Variants in MND1 observed in about 807,000 individuals in gnomAD.
MND1 encodes meiotic nuclear divisions 1.
MND1 carries 28 observed loss-of-function variants against 35.1 expected under a neutral mutation model. The ratio of observed to expected loss-of-function variants is 0.80; its 90% CI spans 0.59 to 1.09. The LOEUF (loss-of-function observed/expected upper bound fraction) is 1.09. MND1 is among the 50% of genes least tolerant of loss of function. The pLI is 0.00. For missense variants in MND1, 213 were observed against 239.6 expected (o/e 0.89, Z 0.73); for synonymous variants, 69 against 70.5 (o/e 0.98, Z 0.11).
rs1773399595 is a variant in MND1, at chr4:153,358,473, G to GC, written c.128dup (p.Ala44CysfsTer13). The GC allele has an allele frequency of 1.3e-6, 2 of 1,584,522 alleles. No homozygotes were observed. Among genetic ancestry groups the GC allele is most frequent in the Non-Finnish European group, 1.7e-6 (2 of 1,166,952 alleles). On this transcript the variant is annotated frameshift_variant and splice_region_variant. Coordinates refer to ENST00000240488, the MANE Select transcript of MND1 (RefSeq NM_032117.4). LOFTEE classifies it high-confidence loss of function. ...TAGAGTCTTTAAAAATTGTCTCTTA[G>GC]CTGCTATGTCAGTAAAAGAAGTCCT...
At position 153,358,518 on chromosome 4, in the gene MND1, G is replaced by A; in HGVS notation, c.172G>A (p.Gly58Ser). 1.2e-6 allele frequency: 2 copies of A among 1,612,442 alleles called. No homozygotes were observed. Among genetic ancestry groups the A allele is most frequent in the Non-Finnish European group, 1.7e-6 (2 of 1,179,234 alleles). ...AGTCCTTCAAAGCTTAGTTGATGAT[G>A]GTATGGTTGACTGTGAGAGGATCGG... ...KEVLQSLVDD[G>S]MVDCERIGTS... Residue 58 changes from glycine (G) to serine (S), a missense_variant, in exon 4 of 8, where the codon GGT (glycine) becomes AGT (serine). Transcript: ENST00000240488.
At chr4:153,404,125 A>G (rs958168675) in intron 6 of MND1, among the ~76,000 whole-genome samples, 2 of 151,284 alleles carry the variant, frequency 1.3e-5, no homozygotes, top group Non-Finnish European at 2.9e-5. Context: ...CACTTTAAAT[A>G]TATTCAAAGA....
At chr4:153,349,380 G>A (rs1287413033) in intron 1 of MND1, among the ~76,000 whole-genome samples, 1 of 151,836 alleles carries the variant, frequency 6.6e-6, no homozygotes, top group Non-Finnish European at 1.5e-5. Context: ...CTCTAATCTT[G>A]TCACTAGTCT....
rs753797700 is a variant in MND1, at chr4:153,397,210, G to T, written c.352-9G>T. The T allele has an allele frequency of 6.2e-7, 1 of 1,601,760 alleles. No individual in the cohort carries two copies. The highest frequency in any genetic ancestry group is 1.3e-5 in the African/African-American group (1 of 74,600). On this transcript the variant is annotated splice_polypyrimidine_tract_variant and intron_variant, in intron 5 of 7. Transcript: ENST00000240488. ...GTCTTAATTGAACATAAAACTATCTGGAATGCAGGAAGAGCGAACCAGGCT... is the reference window on the plus strand; with the variant it reads ...GTCTTAATTGAACATAAAACTATCTTGAATGCAGGAAGAGCGAACCAGGCT...
chr4:153,372,262 C>T (rs1773809370), intron 4 of MND1, among the ~76,000 whole-genome samples: 2 of 151,954 alleles, frequency 1.3e-5, no homozygotes, highest in South Asian at 2.1e-4. Flanking sequence ...AAGGTAGCCA[C>T]AAACTTAATT....
chr4:153,396,576 A>G (rs780783289), intron 5 of MND1, among the ~76,000 whole-genome samples: 2 of 152,166 alleles, frequency 1.3e-5, no homozygotes, highest in Non-Finnish European at 2.9e-5. Flanking sequence ...AGAAATACAA[A>G]TTGAATATGT....
At chr4:153,413,876 TTTTA>T (rs1390186310) in intron 7 of MND1, among the ~76,000 whole-genome samples, 2 of 152,322 alleles carry the variant, frequency 1.3e-5, no homozygotes, top group East Asian at 3.9e-4. Context: ...ACACAGTTTG[TTTTA>T]TTTCCTTGGG....
At chr4:153,347,412 T>C (rs74875228) in intron 1 of MND1, among the ~76,000 whole-genome samples, 3,145 of 152,274 alleles carry the variant, frequency 0.021, 122 homozygotes, top group African/African-American at 0.072. Context: ...GTTATATCTA[T>C]GGGAGTATGG....
intron 4 of MND1, among the ~76,000 whole-genome samples, chr4:153,392,932 C>A (rs1729086172): frequency 6.6e-6 from 1 of 152,024 alleles, no homozygotes; most frequent in South Asian, 2.1e-4. Flanking sequence ...CCAGCCTGGG[C>A]AACATGGCGA....
chr4:153,373,323 T>C (rs549998019), intron 4 of MND1, among the ~76,000 whole-genome samples: 83 of 152,248 alleles, frequency 5.5e-4, no homozygotes, highest in African/African-American at 1.9e-3. Flanking sequence ...TACCAGACAA[T>C]CATTTCTTCC....
intron 4 of MND1, among the ~76,000 whole-genome samples, 172 bp downstream of exon 4, chr4:153,358,794 T>G (rs1773409027): frequency 6.6e-6 from 1 of 152,210 alleles, no homozygotes; most frequent in South Asian, 2.1e-4. Context: ...ACTTAGAACG[T>G]TTTAATTTTC....
At chr4:153,379,289 CAA>C (rs35306831) in intron 4 of MND1, among the ~76,000 whole-genome samples, 19 of 74,888 alleles carry the variant, frequency 2.5e-4, no homozygotes, top group Non-Finnish European at 3.0e-4. Flanking sequence ...GACTCTGTCT[CAA>C]AAAAAAAAAA....
Position 153,384,443 on chromosome 4 carries a change from A to ATTTTTTTTTTTTTTTTTTT in MND1, c.277-9808_277-9790dup, listed in dbSNP as rs561004288. On this transcript the variant is annotated intron_variant, in intron 4 of 7. Coordinates refer to ENST00000240488, the MANE Select transcript of MND1 (RefSeq NM_032117.4). ...TGCCACCATGCCCAGCTAATGTTTAATTTTTTTTTTTTTTTTTTTTTTTTT... is the reference window on the plus strand; with the variant it reads ...TGCCACCATGCCCAGCTAATGTTTAATTTTTTTTTTTTTTTTTTTTTTTTTTTTTTTTTTTTTTTTTTTT... 1.6e-4 allele frequency among the ~76,000 whole-genome samples: 10 copies of ATTTTTTTTTTTTTTTTTTT among 63,188 alleles called. 2 individuals carry two copies. The highest frequency in any genetic ancestry group is 5.9e-4 in the East Asian group (1 of 1,700). The allele number at this position is 63,188 out of a possible 152,430, so 41.5% of individuals were successfully genotyped here.
chr4:153,355,100 G>C (rs2149631165), intron 2 of MND1, among the ~76,000 whole-genome samples: 1 of 152,234 alleles, frequency 6.6e-6, no homozygotes, highest in East Asian at 1.9e-4. Flanking sequence ...GGAGGTCAAG[G>C]CTGCAGTGAG....
chr4:153,345,638 T>C, intron 1 of MND1: 1 of 731,432 alleles, frequency 1.4e-6, no homozygotes, highest in Non-Finnish European at 1.7e-6. Context: ...TCTAAGATTT[T>C]AATATCTTCA....
At chr4:153,409,480 G>A (rs1484558984) in intron 7 of MND1, among the ~76,000 whole-genome samples, 2 of 151,992 alleles carry the variant, frequency 1.3e-5, no homozygotes, top group African/African-American at 4.8e-5. Context: ...AGGTAGATAT[G>A]ATTATTATCC....
At chr4:153,386,958 G>A (rs1318980359) in intron 4 of MND1, among the ~76,000 whole-genome samples, 1 of 152,126 alleles carries the variant, frequency 6.6e-6, no homozygotes, top group Non-Finnish European at 1.5e-5. Flanking sequence ...CAGAGGAGGT[G>A]GAAAGGCAAA....
At chr4:153,410,360 G>A (rs1394778912) in intron 7 of MND1, among the ~76,000 whole-genome samples, 1 of 151,516 alleles carries the variant, frequency 6.6e-6, no homozygotes, top group East Asian at 1.9e-4. Flanking sequence ...GATATTTTTA[G>A]AACAGCAGAA....
chr4:153,399,306 T>C (rs1729281884), intron 6 of MND1, among the ~76,000 whole-genome samples: 1 of 152,162 alleles, frequency 6.6e-6, no homozygotes, highest in African/African-American at 2.4e-5. Context: ...CCACAGCTAT[T>C]TCCATGGGCA....
Sources: gnomAD v4.1 joint callset for allele counts (sites outside exome capture counted in the v4.1 genomes callset) on GRCh38, gnomAD v4.1.1 for gene constraint, MANE v1.5 for transcripts, NCBI Gene and HGNC (gene_info 2026-07-23, HGNC 2026-07-21) for gene names.